Variants in STAM2 observed in about 807,000 individuals in gnomAD.
STAM2 encodes the protein signal transducing adaptor molecule 2.
Under a neutral mutation model 65.6 loss-of-function variants are expected in STAM2, and 51 were observed. The observed-to-expected ratio is 0.78, with a 90% CI of 0.62 to 0.98. The LOEUF is 0.98. Among genes scored for constraint, STAM2 ranks in the 50% least tolerant of loss-of-function variants. The pLI, the probability that STAM2 is intolerant of heterozygous loss-of-function variation, is 0.00. For missense variants in STAM2, 584 were observed against 617.8 expected (o/e 0.95, Z 0.58); for synonymous variants, 198 against 208.4 (o/e 0.95, Z 0.43).
intron 7 of STAM2, among the ~76,000 whole-genome samples, chr2:152,142,337 A>G (rs1372717729): frequency 2.0e-5 from 3 of 152,240 alleles, no homozygotes; most frequent in Admixed American, 2.0e-4. Context: ...CTAAATTAAA[A>G]TCTTAGACAA....
At chr2:152,149,340 T>C (rs1339860548) in intron 2 of STAM2, among the ~76,000 whole-genome samples, 2 of 152,140 alleles carry the variant, frequency 1.3e-5, no homozygotes, top group Non-Finnish European at 2.9e-5. Context: ...ATTAATCCCA[T>C]AAATCCAGCA....
At chr2:152,171,989 CACTA>C (rs1232574798) in intron 1 of STAM2, among the ~76,000 whole-genome samples, 1 of 152,186 alleles carries the variant, frequency 6.6e-6, no homozygotes, top group Non-Finnish European at 1.5e-5. Flanking sequence ...TCTCTGTTAA[CACTA>C]ACCACTGTGG....
At position 152,121,136 on chromosome 2, in the gene STAM2, T is replaced by A. The variant is rs549462755; in HGVS notation, c.1350-334A>T. On this transcript the variant is annotated intron_variant, in intron 13 of 13. Coordinates refer to ENST00000263904, the MANE Select transcript of STAM2 (RefSeq NM_005843.6). The stretch of plus-strand genomic sequence containing the variant: ...AAAAATTTAAATTAGTCCCAACTAA[T>A]TAAAAAAAAATTTTTGTTGTAGAGA... 2.8e-4 allele frequency among the ~76,000 whole-genome samples: 43 copies of A among 152,178 alleles called. No homozygotes were observed. The East Asian group carries it at 5.6e-3, about 20-fold the overall frequency.
rs981537168 is a variant in STAM2 at position 152,149,744 on chromosome 2, C to T, written c.125+401G>A. Among the ~76,000 whole-genome samples the T allele has an allele frequency of 2.6e-5, 4 of 152,134 alleles. No homozygotes were observed. The East Asian group carries it at 5.8e-4, about 22-fold the overall frequency. Reference sequence around the variant, plus strand: ...AACTCCTGACCTCAAGTGATCTGCTCGCCTCGGCCTCTCAAAGTTCTGGGA... The same window carrying T: ...AACTCCTGACCTCAAGTGATCTGCTTGCCTCGGCCTCTCAAAGTTCTGGGA... On this transcript the variant is annotated intron_variant, in intron 2 of 13. Transcript: ENST00000263904.
intron 1 of STAM2, among the ~76,000 whole-genome samples, chr2:152,173,188 GA>G (rs2105574071): frequency 6.7e-6 from 1 of 148,856 alleles, no homozygotes; most frequent in African/African-American, 2.5e-5. Context: ...CCTGCTGAAT[GA>G]AGAGTGAACA....
chr2:152,172,830 A>G (rs1234730845), intron 1 of STAM2, among the ~76,000 whole-genome samples: 1 of 150,922 alleles, frequency 6.6e-6, no homozygotes, highest in Admixed American at 6.6e-5. Context: ...AGATCAGGCC[A>G]CTTCATTCCA....
intron 4 of STAM2, 132 bp from the exon 5 acceptor site, chr2:152,147,440 T>C (rs909765147): frequency 4.0e-5 from 31 of 775,150 alleles, no homozygotes; most frequent in Non-Finnish European, 5.5e-5. Flanking sequence ...CTGAAATTTC[T>C]AGCCTAGTTG....
At chr2:152,144,053 T>C in intron 6 of STAM2, 40 bp from the exon 7 acceptor site, 2 of 1,538,288 alleles carry the variant, frequency 1.3e-6, no homozygotes, top group South Asian at 1.2e-5. Flanking sequence ...CTGGAATTAA[T>C]TTTGATAAAA....
intron 1 of STAM2, among the ~76,000 whole-genome samples, chr2:152,152,332 G>A (rs1191815005): frequency 1.3e-5 from 2 of 151,988 alleles, no homozygotes; most frequent in African/African-American, 2.4e-5. Flanking sequence ...GGCAGATCAC[G>A]AGGTCAGGAG....
intron 1 of STAM2, among the ~76,000 whole-genome samples, chr2:152,158,376 T>G (rs1306305048): frequency 6.6e-6 from 1 of 152,038 alleles, no homozygotes; most frequent in Non-Finnish European, 1.5e-5. Flanking sequence ...CTCAGGAGGC[T>G]GAGGCAGGAG....
chr2:152,144,800 G>A (rs1387731452), intron 6 of STAM2, 88 bp downstream of exon 6: 1 of 1,101,436 alleles, frequency 9.1e-7, no homozygotes, highest in Non-Finnish European at 1.4e-6. Context: ...GCCTCCCAAA[G>A]TGCTGGGATT....
At chr2:152,173,464 T>C (rs1196234311) in intron 1 of STAM2, among the ~76,000 whole-genome samples, 2 of 150,560 alleles carry the variant, frequency 1.3e-5, no homozygotes, top group East Asian at 1.9e-4. Context: ...TGGCGAGATA[T>C]TGGCTCACTG....
chr2:152,157,434 G>A (rs1689574763), intron 1 of STAM2, among the ~76,000 whole-genome samples: 1 of 152,160 alleles, frequency 6.6e-6, no homozygotes. Flanking sequence ...CAAAAGGATG[G>A]GACCCTGATC....
intron 11 of STAM2, among the ~76,000 whole-genome samples, chr2:152,130,442 G>A (rs1446686620): frequency 4.0e-5 from 6 of 151,758 alleles, no homozygotes; most frequent in African/African-American, 1.5e-4. Flanking sequence ...TAGTAGAGAC[G>A]GGGTTTCACC....
In STAM2 at chr2:152,118,612, ATAAGTT is replaced by A. The variant is rs1300623227; in HGVS notation, c.*1956_*1961del. ...ATACATGAAATACACAAACATTAAA[ATAAGTT>A]TATTAAATAGAGTTTGGGAGAAAAA... On this transcript the variant is annotated 3_prime_UTR_variant, in exon 14 of 14. Transcript: ENST00000263904. 2.0e-5 allele frequency: 3 copies of A among 151,836 alleles called. No individual in the cohort carries two copies. Among genetic ancestry groups the A allele is most frequent in the Non-Finnish European group, 4.4e-5 (3 of 67,882 alleles). 9.4% of individuals were successfully genotyped at this position (151,836 alleles called of 1,614,324 possible). A position where few individuals can be genotyped will look rare whatever the true frequency, so the allele number is the denominator to read the frequency against.
At chr2:152,160,139 C>T (rs1476841199) in intron 1 of STAM2, among the ~76,000 whole-genome samples, 1 of 152,210 alleles carries the variant, frequency 6.6e-6, no homozygotes, top group Admixed American at 6.5e-5. Context: ...GCAGCCTCTG[C>T]CCGGCCGCCA....
chr2:152,162,727 C>T (rs1354980439), intron 1 of STAM2, among the ~76,000 whole-genome samples: 7 of 152,118 alleles, frequency 4.6e-5, no homozygotes, highest in African/African-American at 1.2e-4. Flanking sequence ...CTGCAACCTA[C>T]GCCTCCCTGG....
At position 152,120,651 on chromosome 2, in the gene STAM2, C is replaced by A; in HGVS notation, c.1501G>T (p.Ala501Ser). 6.2e-7 allele frequency: 1 copy of A among 1,614,014 alleles called. No individual in the cohort carries two copies. The highest frequency in any genetic ancestry group is 1.1e-5 in the South Asian group (1 of 91,072). Residue 501 changes from alanine (A) to serine (S), a missense_variant, in exon 14 of 14, where the codon GCA (alanine) becomes TCA (serine). Physicochemically the swap from Ala to Ser is moderately conservative, Grantham distance 99. Transcript: ENST00000263904. ...GCTGGAACTGTCACCGGAAAGCCTG[C>A]CAGTTGAGGCAAATTGGAAGTAGTG... ...QNTTSNLPQLAGFPVTVPAHP... is the reference protein window; with the variant it reads ...QNTTSNLPQLSGFPVTVPAHP...
chr2:152,169,410 C>T (rs777719143), intron 1 of STAM2, among the ~76,000 whole-genome samples: 4 of 151,926 alleles, frequency 2.6e-5, no homozygotes, highest in Admixed American at 6.6e-5. Context: ...CCGAGTAGCT[C>T]GGACTACAGG....
Sources: allele counts gnomAD v4.1 joint callset (sites outside exome capture counted in the v4.1 genomes callset), GRCh38; gene constraint gnomAD v4.1.1; transcripts MANE v1.5; gene names NCBI Gene and HGNC (gene_info 2026-07-23, HGNC 2026-07-21).